Variants in RRP7A observed in about 807,000 individuals in gnomAD.
RRP7A encodes the protein ribosomal RNA-processing protein 7 homolog A.
A neutral mutation model predicts 38.4 loss-of-function variants in RRP7A; 27 were observed. The ratio of observed to expected loss-of-function variants is 0.70; its 90% confidence interval spans 0.52 to 0.97. The LOEUF (loss-of-function observed/expected upper bound fraction) is 0.97, where lower values mean the gene tolerates loss of function less well. Among genes scored for constraint, RRP7A ranks in the 50% least tolerant of loss-of-function variants. The pLI is 0.00. For missense variants in RRP7A, 327 were observed against 375.4 expected (o/e 0.87, Z 1.07); for synonymous variants, 124 against 150.3 (o/e 0.83, Z 1.28).
At chr22:42,515,011 T>C in intron 4 of RRP7A, 140 bp downstream of exon 4, 1 of 613,092 alleles carries the variant, frequency 1.6e-6, no homozygotes, top group Non-Finnish European at 2.9e-6. Context: ...CACAGCCCCA[T>C]GGTCCTCCTG....
Position 42,518,034 on chromosome 22 carries a change from C to T in RRP7A, c.187G>A (p.Val63Ile). Reference protein sequence around the residue: ...STWPQKRTLFVLNVPPYCTEE... With the variant: ...STWPQKRTLFILNVPPYCTEE... ...GTGCAGTATGGGGGCACATTGAGGACAAAAAGAGTCCTCTTCTGAGGCCAG... is the reference window on the plus strand; with the variant it reads ...GTGCAGTATGGGGGCACATTGAGGATAAAAAGAGTCCTCTTCTGAGGCCAG... Residue 63 changes from valine to isoleucine, a missense_variant, in exon 2 of 7, where the codon GTC becomes ATC. Around this residue, in one of 5 missense-constraint regions of RRP7A, gnomAD observed 183 missense variants for 141.8 expected, o/e 1.29. Transcript: ENST00000323013. 1 of 1,613,714 alleles carries T rather than the reference C, an allele frequency of 6.2e-7. No individual in the cohort carries two copies. The highest frequency in any genetic ancestry group is 8.5e-7 in the Non-Finnish European group (1 of 1,179,772).
chr22:42,516,819 C>G (rs564683114), intron 2 of RRP7A, among the ~76,000 whole-genome samples: 5 of 152,314 alleles, frequency 3.3e-5, no homozygotes, highest in Admixed American at 3.3e-4. Context: ...TGTTCTGTCT[C>G]TGGGATGCAG....
At chr22:42,514,557 G>C in intron 5 of RRP7A, 125 bp downstream of exon 5, 1 of 895,106 alleles carries the variant, frequency 1.1e-6, no homozygotes, top group Non-Finnish European at 1.8e-6. Flanking sequence ...ATCCAGCAGG[G>C]AAACAGGGAG....
intron 2 of RRP7A, 114 bp downstream of exon 2, chr22:42,517,891 T>A: frequency 2.4e-6 from 3 of 1,241,704 alleles, no homozygotes; most frequent in South Asian, 2.9e-5. Flanking sequence ...CTCCTGACAC[T>A]CTCCTCTGGG....
intron 1 of RRP7A, among the ~76,000 whole-genome samples, chr22:42,519,484 G>A (rs952020393): frequency 6.6e-6 from 1 of 152,158 alleles, no homozygotes; most frequent in East Asian, 1.9e-4. Context: ...CTCACCCAAG[G>A]GAAGCGTGGA....
In RRP7A at chr22:42,514,116, G is replaced by A. The variant is rs757554161; in HGVS notation, c.747C>T (p.Ser249=). Reference sequence around the variant, plus strand: ...CTGGGGGTGGCTTACGCTCCATCTTGCTCTCTCGATGCTGCCAGGCGTAGA... The same window carrying A: ...CTGGGGGTGGCTTACGCTCCATCTTACTCTCTCGATGCTGCCAGGCGTAGA... ...LNFYAWQHRE[S]KMEHLAQLRK... Residue 249 remains serine (S), a synonymous_variant, in exon 6 of 7, where the codon AGC becomes AGT. Coordinates refer to ENST00000323013, the MANE Select transcript of RRP7A (RefSeq NM_015703.5). 2 of 1,612,716 alleles carry A rather than the reference G, an allele frequency of 1.2e-6. No homozygotes were observed. The highest frequency in any genetic ancestry group is 1.7e-6 in the Non-Finnish European group (2 of 1,179,638).
chr22:42,512,775 G>A lies in RRP7A; in HGVS notation c.*135C>T. 1 of 878,990 alleles carries A rather than the reference G, an allele frequency of 1.1e-6. No homozygotes were observed. 54.4% of individuals were successfully genotyped at this position (878,990 alleles called of 1,614,324 possible). ...TTCCCTCCTGGCCTGTGTGGACTCT[G>A]ATGGGGCTGTTGGACGCGGTGGCCT... On this transcript the variant is annotated 3_prime_UTR_variant, in exon 7 of 7. Transcript: ENST00000323013.
At position 42,511,740 on chromosome 22, in the gene RRP7A, C is replaced by T. The variant is rs1447973914; in HGVS notation, c.*1170G>A. 3 of 189,702 alleles carry T rather than the reference C, an allele frequency of 1.6e-5. No individual in the cohort carries two copies. The highest frequency in any genetic ancestry group is 1.5e-4 in the East Asian group (1 of 6,716). 11.8% of individuals were successfully genotyped at this position (189,702 alleles called of 1,614,324 possible). A position where few individuals can be genotyped will look rare whatever the true frequency, so the allele number is the denominator to read the frequency against. ...CAGGTCAGAGCCAAGGCAGGCAGGG[C>T]CTTCCTGTCTGGCTTCTTGAAGGCA... On this transcript the variant is annotated 3_prime_UTR_variant, in exon 7 of 7. Transcript: ENST00000323013.
Position 42,512,004 on chromosome 22 carries a change from C to T in RRP7A, c.*906G>A, listed in dbSNP as rs924112126. On this transcript the variant is annotated 3_prime_UTR_variant, in exon 7 of 7. Transcript: ENST00000323013. ...TGTGGGGGAAACTCACTGTGGGAGG[C>T]GCTCCTGACCTGCAGGGAGCTGGAA... 5.4e-5 allele frequency: 39 copies of T among 720,622 alleles called. No homozygotes were observed. Among genetic ancestry groups the T allele is most frequent in the South Asian group, 2.7e-4 (16 of 60,286 alleles). 44.6% of individuals were successfully genotyped at this position (720,622 alleles called of 1,614,324 possible).
chr22:42,519,509 C>T (rs565031221), intron 1 of RRP7A, among the ~76,000 whole-genome samples: 34 of 152,230 alleles, frequency 2.2e-4, no homozygotes, highest in South Asian at 1.7e-3. Context: ...GTTGGGCTCG[C>T]CCCGGGAGAG....
In RRP7A at chr22:42,516,093, G is replaced by A; in HGVS notation, c.260C>T (p.Ser87Phe). Residue 87 changes from serine (S) to phenylalanine (F), a missense_variant, in exon 3 of 7, where the codon TCT (serine) becomes TTT (phenylalanine). Physicochemically the swap from Ser to Phe is radical, Grantham distance 155. This residue lies in a region of RRP7A where 183 missense variants were observed against 141.8 expected (regional missense o/e 1.29). Coordinates refer to ENST00000323013, the MANE Select transcript of RRP7A (RefSeq NM_015703.5). ...RLLSTCGLVQ[S>F]VELQEKPDLA... ...GTCCGGCTTCTCCTGCAACTCTACAGACTGGACGAGGCCACAGGTGGACAG... is the reference window on the plus strand; with the variant it reads ...GTCCGGCTTCTCCTGCAACTCTACAAACTGGACGAGGCCACAGGTGGACAG... 6.2e-7 allele frequency: 1 copy of A among 1,613,820 alleles called. No homozygotes were observed. The highest frequency in any genetic ancestry group is 1.7e-5 in the Admixed American group (1 of 60,006).
chr22:42,513,789 C>G (rs1277544812), intron 6 of RRP7A, among the ~76,000 whole-genome samples: 1 of 152,158 alleles, frequency 6.6e-6, no homozygotes, highest in Non-Finnish European at 1.5e-5. Context: ...CCCCTCTGCA[C>G]TTGAACTCCT....
Position 42,509,192 on chromosome 22 carries a change from G to C in RRP7A, c.*3718C>G. ...TCTCTGGGAGGGGGCCCTGGCATGAGGCTCCAAGTTCTCTGCGTGTCGACC... is the reference window on the plus strand; with the variant it reads ...TCTCTGGGAGGGGGCCCTGGCATGACGCTCCAAGTTCTCTGCGTGTCGACC... On this transcript the variant is annotated 3_prime_UTR_variant, in exon 7 of 7. Coordinates refer to ENST00000323013, the MANE Select transcript of RRP7A (RefSeq NM_015703.5). The C allele has an allele frequency of 6.3e-7, 1 of 1,597,960 alleles. No homozygotes were observed. The highest frequency in any genetic ancestry group is 8.5e-7 in the Non-Finnish European group (1 of 1,171,714).
At chr22:42,514,884 G>A in intron 4 of RRP7A, 105 bp from the exon 5 acceptor site, 1 of 970,870 alleles carries the variant, frequency 1.0e-6, no homozygotes, top group South Asian at 1.4e-5. Context: ...CAGGGCCCGG[G>A]GCACAGGTGC....
intron 1 of RRP7A, chr22:42,518,855 C>T (rs1001238180): frequency 4.1e-5 from 18 of 442,328 alleles, no homozygotes; most frequent in Non-Finnish European, 5.7e-5. Flanking sequence ...GCTGCGGTCC[C>T]TGAACTCAGG....
In RRP7A at chr22:42,509,242, T is replaced by C; in HGVS notation, c.*3668A>G. On this transcript the variant is annotated 3_prime_UTR_variant, in exon 7 of 7. Transcript: ENST00000323013. Reference sequence around the variant, plus strand: ...CACATCGCTAAGACTCAAGATCTTTTTTGGGAAGCCCCCCTGGCAGCAGGG... The same window carrying C: ...CACATCGCTAAGACTCAAGATCTTTCTTGGGAAGCCCCCCTGGCAGCAGGG... 1 of 1,509,854 alleles carries C rather than the reference T, an allele frequency of 6.6e-7. No homozygotes were observed. Among genetic ancestry groups the C allele is most frequent in the Non-Finnish European group, 8.9e-7 (1 of 1,124,520 alleles). 93.5% of individuals were successfully genotyped at this position (1,509,854 alleles called of 1,614,324 possible).
chr22:42,516,315 A>C, intron 2 of RRP7A, 179 bp from the exon 3 acceptor site: 2 of 768,930 alleles, frequency 2.6e-6, no homozygotes, highest in Non-Finnish European at 4.4e-6. Flanking sequence ...CAGGGACAAT[A>C]TGGAGGTTGA....
chr22:42,515,882 C>T (rs1601807236), intron 3 of RRP7A, 129 bp downstream of exon 3: 9 of 1,220,872 alleles, frequency 7.4e-6, no homozygotes, highest in East Asian at 2.5e-5. Context: ...CAGTCTCTTA[C>T]ACCACACACG....
Position 42,510,948 on chromosome 22 carries a change from T to A in RRP7A, c.*1962A>T. The A allele has an allele frequency of 3.0e-6, 1 of 330,748 alleles. No homozygotes were observed. The highest frequency in any genetic ancestry group is 4.6e-6 in the Non-Finnish European group (1 of 217,206). 20.5% of individuals were successfully genotyped at this position (330,748 alleles called of 1,614,324 possible). A position where few individuals can be genotyped will look rare whatever the true frequency, so the allele number is the denominator to read the frequency against. ...ACAGAGACCTTTGGTGGGGAGGTTCTTTACCATCCTCAAGTACCCACCCCT... is the reference window on the plus strand; with the variant it reads ...ACAGAGACCTTTGGTGGGGAGGTTCATTACCATCCTCAAGTACCCACCCCT... On this transcript the variant is annotated 3_prime_UTR_variant, in exon 7 of 7. Coordinates refer to ENST00000323013, the MANE Select transcript of RRP7A (RefSeq NM_015703.5).
Sources: gnomAD v4.1 joint callset for allele counts (sites outside exome capture counted in the v4.1 genomes callset) on GRCh38, gnomAD v4.1.1 for gene constraint, gnomAD v4.1.1 regional missense constraint, MANE v1.5 for transcripts, NCBI Gene and HGNC (gene_info 2026-07-23, HGNC 2026-07-21) for gene names.